Variants in DMD observed in about 807,000 individuals in gnomAD.
DMD encodes dystrophin, also known as mutant dystrophin.
In DMD, 63 loss-of-function variants were observed where a neutral mutation model predicts 330.1. That is an observed-to-expected ratio of 0.19 (90% CI 0.16 to 0.24). The LOEUF (loss-of-function observed/expected upper bound fraction) is 0.24, where lower values mean the gene tolerates loss of function less well. Among genes scored for constraint, DMD ranks in the 10% least tolerant of loss-of-function variants. DMD has a pLI of 1.00. For missense variants in DMD, 3,344 were observed against 2,684.1 expected (o/e 1.25, Z -5.43); for synonymous variants, 1,223 against 959.8 (o/e 1.27, Z -5.07).
chrX:32,467,353 A>C (rs1203823119), intron 23 of DMD, among the ~76,000 whole-genome samples: 1 of 110,857 alleles, frequency 9.0e-6, no homozygotes, highest in Non-Finnish European at 1.9e-5. Context: ...AGGCTTTTAG[A>C]CCTTAATGCA....
chrX:31,363,105 T>C (rs2059029826), intron 60 of DMD, among the ~76,000 whole-genome samples: 1 of 112,498 alleles, frequency 8.9e-6, no homozygotes, highest in African/African-American at 3.2e-5. Context: ...AGATGATTCT[T>C]ATCTGTTCAC....
At chrX:32,189,750 C>T (rs759807402) in intron 44 of DMD, among the ~76,000 whole-genome samples, 46 of 110,620 alleles carry the variant, frequency 4.2e-4, no homozygotes, top group Non-Finnish European at 6.6e-4. Context: ...AGTCACCTGC[C>T]AAAGGTCACG....
chrX:33,090,599 A>G (rs2095072467), intron 1 of DMD, among the ~76,000 whole-genome samples: 1 of 109,028 alleles, frequency 9.2e-6, no homozygotes, highest in Admixed American at 1.0e-4. Context: ...AAAACACAAA[A>G]GAGAGTTTGT....
chrX:32,158,598 T>A (rs941879150), intron 44 of DMD, among the ~76,000 whole-genome samples: 1 of 111,132 alleles, frequency 9.0e-6, no homozygotes, highest in Non-Finnish European at 1.9e-5. Flanking sequence ...TGAATTTGTG[T>A]CCTATTGCCA....
chrX:31,611,995 T>C (rs2077950617), intron 55 of DMD, among the ~76,000 whole-genome samples: 1 of 111,483 alleles, frequency 9.0e-6, no homozygotes, highest in Admixed American at 9.6e-5. Flanking sequence ...TTGACCATTT[T>C]TAAGTATACA....
chrX:32,741,573 T>C (rs1247940002), intron 7 of DMD, among the ~76,000 whole-genome samples: 1 of 111,473 alleles, frequency 9.0e-6, no homozygotes, highest in Non-Finnish European at 1.9e-5. Flanking sequence ...TGCCTTAAGA[T>C]AGAGTTTGGC....
intron 54 of DMD, among the ~76,000 whole-genome samples, chrX:31,647,415 G>A (rs1186519673): frequency 8.9e-6 from 1 of 111,883 alleles, no homozygotes; most frequent in Non-Finnish European, 1.9e-5. Flanking sequence ...GGAAACTTAA[G>A]TATCACTTAT....
chrX:32,878,238 T>C (rs972308269), intron 2 of DMD, among the ~76,000 whole-genome samples: 22 of 110,145 alleles, frequency 2.0e-4, no homozygotes, highest in Non-Finnish European at 3.2e-4. Context: ...ATTAGCCGGG[T>C]GTAGTGGCGG....
At chrX:31,452,730 A>C (rs751394945) in intron 59 of DMD, among the ~76,000 whole-genome samples, 1 of 112,517 alleles carries the variant, frequency 8.9e-6, no homozygotes, top group African/African-American at 3.2e-5. Context: ...CTTTCTATGA[A>C]GCTTGTAACT....
chrX:32,127,701 GATAA>G (rs1449560971), intron 44 of DMD, among the ~76,000 whole-genome samples: 2 of 111,652 alleles, frequency 1.8e-5, no homozygotes, highest in East Asian at 2.8e-4. Context: ...AAAGCATTCC[GATAA>G]ATAAATTTTC....
In DMD at chrX:32,252,707, AATAT is replaced by A. The variant is rs1328013656; in HGVS notation, c.6290+34818_6290+34821del. Among the ~76,000 whole-genome samples the A allele has an allele frequency of 1.1e-4, 2 of 18,328 alleles. 1 individual carries two copies. 15.9% of individuals were successfully genotyped at this position (18,328 alleles called of 115,157 possible). Reference sequence around the variant, plus strand: ...ATAAATATATATATAAATATATATAAATATATAAATATATATAAATATATAAATA... The same window carrying A: ...ATAAATATATATATAAATATATATAAATAAATATATATAAATATATAAATA... On this transcript the variant is annotated intron_variant, in intron 43 of 78. Coordinates refer to ENST00000357033, the MANE Select transcript of DMD (RefSeq NM_004006.3).
chrX:32,189,830 GAAC>G (rs1371116040), intron 44 of DMD, among the ~76,000 whole-genome samples: 11 of 110,880 alleles, frequency 9.9e-5, no homozygotes, highest in Non-Finnish European at 1.7e-4. Context: ...CTGTGCAGTA[GAAC>G]CCTTTCATCT....
intron 52 of DMD, among the ~76,000 whole-genome samples, chrX:31,686,267 T>A (rs942210176): frequency 8.9e-6 from 1 of 112,682 alleles, no homozygotes; most frequent in African/African-American, 3.2e-5. Flanking sequence ...ATGTAGATTA[T>A]TTCCATTATC....
At chrX:31,232,092 A>AAAAAC (rs2047271645) in intron 63 of DMD, among the ~76,000 whole-genome samples, 2 of 105,631 alleles carry the variant, frequency 1.9e-5, no homozygotes, top group African/African-American at 6.9e-5. Flanking sequence ...AAAAAAAAAA[A>AAAAAC]AAAAAAAAAA....
At chrX:31,400,229 C>T (rs1311139697) in intron 60 of DMD, among the ~76,000 whole-genome samples, 1 of 111,668 alleles carries the variant, frequency 9.0e-6, no homozygotes, top group Non-Finnish European at 1.9e-5. Context: ...TCCCTCTGCT[C>T]ACTGAGATAG....
At position 31,831,779 on chromosome X, in the gene DMD, T is replaced by C. The variant is rs181769759; in HGVS notation, c.7200+4939A>G. Among the ~76,000 whole-genome samples, 503 of 109,653 alleles carry C rather than the reference T, an allele frequency of 4.6e-3. 2 individuals carry two copies. Among genetic ancestry groups the C allele is most frequent in the Non-Finnish European group, 6.9e-3 (366 of 52,971 alleles). On this transcript the variant is annotated intron_variant, in intron 49 of 78. Transcript: ENST00000357033. ...AAGCCCGGCTAATTTTGTTTTTGTA[T>C]TTTTAGTAGAGATGGGGTTTCACCA... is the stretch of plus-strand genomic sequence containing the variant.
chrX:31,277,745 G>A lies in DMD; in HGVS notation c.9225-16729C>T, dbSNP rs767750780. 3.6e-5 allele frequency among the ~76,000 whole-genome samples: 4 copies of A among 111,636 alleles called. No individual in the cohort carries two copies. The East Asian group carries it at 1.1e-3, about 31-fold the overall frequency. On this transcript the variant is annotated intron_variant, in intron 62 of 78. Coordinates refer to ENST00000357033, the MANE Select transcript of DMD (RefSeq NM_004006.3). The stretch of plus-strand genomic sequence containing the variant: ...AGGTGGAGATAAAACTAACTACAGT[G>A]TTTTTCAAACTGCAGGTCATGAACC...
chrX:32,912,502 A>G (rs991490818), intron 2 of DMD, among the ~76,000 whole-genome samples: 7 of 111,410 alleles, frequency 6.3e-5, no homozygotes, highest in Non-Finnish European at 1.3e-4. Flanking sequence ...ATAGGAAAAG[A>G]ATTAAAACTG....
chrX:32,151,452 A>G (rs962657276), intron 44 of DMD: 2 of 111,755 alleles, frequency 1.8e-5, no homozygotes, highest in Non-Finnish European at 3.8e-5. Flanking sequence ...CAAAGTGACA[A>G]TCATCAAGGG....
Sources: allele counts gnomAD v4.1 joint callset (sites outside exome capture counted in the v4.1 genomes callset), GRCh38; gene constraint gnomAD v4.1.1; transcripts MANE v1.5; gene names NCBI Gene and HGNC (gene_info 2026-07-23, HGNC 2026-07-21).